The following TENM1 variants were observed in gnomAD, a reference collection of about 807,000 sequenced individuals.
The protein encoded by TENM1 is teneurin transmembrane protein 1, also known as teneurin-1.
Under a neutral mutation model 174.8 loss-of-function variants are expected in TENM1, and 35 were observed. That is an observed-to-expected ratio of 0.20 (90% CI 0.15 to 0.27). TENM1 has a LOEUF of 0.27. TENM1 is among the 10% of genes least tolerant of loss of function. The pLI, the probability that TENM1 is intolerant of heterozygous loss-of-function variation, is 1.00. For synonymous variants in TENM1, 781 were observed against 798.7 expected, an observed-to-expected ratio of 0.98 and a Z score of 0.37; for missense variants, 1,633 against 2,130.1, an observed-to-expected ratio of 0.77 and a Z score of 4.59.
intron 25 of TENM1, among the ~76,000 whole-genome samples, chrX:124,414,407 C>CT (rs2060570771): frequency 9.0e-6 from 1 of 111,569 alleles, no homozygotes; most frequent in South Asian, 3.9e-4. Context: ...TGGAGAAAGG[C>CT]TTGTCTGCTG....
At chrX:124,768,359 A>G (rs1223704076) in intron 3 of TENM1, among the ~76,000 whole-genome samples, 4 of 111,810 alleles carry the variant, frequency 3.6e-5, no homozygotes, top group African/African-American at 1.3e-4. Context: ...CATTTCTCCC[A>G]TGTATGTGAT....
the TENM1 span, among the ~76,000 whole-genome samples, chrX:125,060,214 T>C: frequency 2.1e-5 from 2 of 96,063 alleles, no homozygotes; most frequent in Admixed American, 2.3e-4. Flanking sequence ...CACACACACA[T>C]CCTATTTGTT....
At chrX:124,899,629 G>A (rs1316879405) in intron 1 of TENM1, among the ~76,000 whole-genome samples, 1 of 111,862 alleles carries the variant, frequency 8.9e-6, no homozygotes, top group Non-Finnish European at 1.9e-5. Context: ...ATTCCTCTGA[G>A]TATATAACCA....
chrX:124,608,301 C>T (rs1446847939), intron 11 of TENM1, among the ~76,000 whole-genome samples: 1 of 111,490 alleles, frequency 9.0e-6, no homozygotes, highest in Non-Finnish European at 1.9e-5. Context: ...CAGTTTTCAG[C>T]TTTCCAAAGC....
At chrX:124,449,239 G>A (rs1031055844) in intron 23 of TENM1, among the ~76,000 whole-genome samples, 5 of 112,085 alleles carry the variant, frequency 4.5e-5, no homozygotes, top group Non-Finnish European at 7.5e-5. Flanking sequence ...ACAGAAAGGG[G>A]AAAGAGGGTA....
chrX:124,383,987 C>T, exon 30 of TENM1: 1 of 1,211,633 alleles, frequency 8.3e-7, no homozygotes, highest in Non-Finnish European at 1.1e-6. Context: ...TTCACCACTG[C>T]TTAACTCCAT....
At chrX:125,172,340 G>A in the TENM1 span, among the ~76,000 whole-genome samples, 4 of 109,339 alleles carry the variant, frequency 3.7e-5, no homozygotes, top group African/African-American at 1.0e-4. Context: ...CATTTTAAAC[G>A]AGAAGAAACA....
At chrX:124,396,852 G>C (rs1427625928) in intron 27 of TENM1, among the ~76,000 whole-genome samples, 1 of 111,812 alleles carries the variant, frequency 8.9e-6, no homozygotes, top group Admixed American at 9.5e-5. Flanking sequence ...GGGGAAAAAA[G>C]GATTGAAATT....
intron 3 of TENM1, among the ~76,000 whole-genome samples, chrX:124,804,067 T>C (rs2055526106): frequency 8.9e-6 from 1 of 111,975 alleles, no homozygotes; most frequent in Non-Finnish European, 1.9e-5. Context: ...TATTTACATG[T>C]TAATGAACAA....
chrX:124,565,204 G>A (rs1219721621), intron 12 of TENM1, among the ~76,000 whole-genome samples, 171 bp downstream of exon 15: 1 of 111,644 alleles, frequency 9.0e-6, no homozygotes, highest in East Asian at 2.8e-4. Context: ...GAATGTCATC[G>A]ACAAAAGAAG....
intron 5 of TENM1, among the ~76,000 whole-genome samples, chrX:124,702,104 A>T (rs1271787541): frequency 8.9e-6 from 1 of 112,320 alleles, no homozygotes; most frequent in Non-Finnish European, 1.9e-5. Flanking sequence ...GATTGAAAAA[A>T]ATGATGACTT....
At position 124,878,255 on chromosome X, in the gene TENM1, C is replaced by T. The variant is rs763095044; in HGVS notation, c.535+16041G>A. 2.0e-4 allele frequency among the ~76,000 whole-genome samples: 22 copies of T among 111,241 alleles called. No individual in the cohort carries two copies. In the East Asian group the frequency reaches 6.0e-3, roughly 30 times the overall value. The stretch of plus-strand genomic sequence containing the variant: ...TTGGGGGATACTTACAATTAAAGCC[C>T]AGTGTGATGCAGCTATGACGAGGCT... On this transcript the variant is annotated intron_variant, in intron 3 of 31. Coordinates refer to ENST00000422452, the Ensembl canonical transcript of TENM1.
chrX:125,003,908 A>T, the TENM1 span, among the ~76,000 whole-genome samples: 3 of 111,803 alleles, frequency 2.7e-5, no homozygotes, highest in Non-Finnish European at 5.6e-5. Flanking sequence ...TTCTCAGGTC[A>T]TTAACACAGT....
At chrX:124,511,599 G>A (rs1179225472) in intron 18 of TENM1, among the ~76,000 whole-genome samples, 1 of 111,647 alleles carries the variant, frequency 9.0e-6, no homozygotes, top group Non-Finnish European at 1.9e-5. Flanking sequence ...TCTGCAACAT[G>A]AAGATCATGC....
chrX:124,772,984 T>C (rs1475914446), intron 3 of TENM1, among the ~76,000 whole-genome samples: 2 of 111,834 alleles, frequency 1.8e-5, no homozygotes, highest in Admixed American at 1.9e-4. Flanking sequence ...AGCTGGGTCA[T>C]TGTAGGATTA....
At chrX:124,597,189 A>T (rs2049915815) in intron 11 of TENM1, among the ~76,000 whole-genome samples, 1 of 111,864 alleles carries the variant, frequency 8.9e-6, no homozygotes, top group Admixed American at 9.5e-5. Flanking sequence ...CCCAGAAGAA[A>T]AGATGTCATT....
intron 22 of TENM1, among the ~76,000 whole-genome samples, chrX:124,458,553 T>C (rs1397633173): frequency 2.7e-5 from 3 of 112,710 alleles, no homozygotes; most frequent in East Asian, 5.5e-4. Context: ...TTCTAGTATA[T>C]TCTACATAGT....
intron 1 of TENM1, among the ~76,000 whole-genome samples, chrX:124,920,557 C>T (rs2058003866): frequency 9.0e-6 from 1 of 111,425 alleles, no homozygotes; most frequent in African/African-American, 3.3e-5. Context: ...TGCTGGGTCA[C>T]AATGCATGTG....
intron 18 of TENM1, among the ~76,000 whole-genome samples, chrX:124,504,288 T>C (rs745844197): frequency 1.8e-5 from 2 of 112,513 alleles, no homozygotes; most frequent in African/African-American, 6.4e-5. Context: ...AATTCCACTT[T>C]GTGCACGTTA....
Sources: allele counts gnomAD v4.1 joint callset (sites outside exome capture counted in the v4.1 genomes callset), GRCh38; gene constraint gnomAD v4.1.1; transcripts MANE v1.5; gene names NCBI Gene and HGNC (gene_info 2026-07-23, HGNC 2026-07-21).